NEXMIF: variants seen among roughly 807,000 people sequenced by gnomAD.
NEXMIF encodes XLMR protein related to neurite extension.
A neutral mutation model predicts 62.1 loss-of-function variants in NEXMIF; 8 were observed. The observed-to-expected ratio is 0.13, with a 90% confidence interval of 0.08 to 0.23. The LOEUF (loss-of-function observed/expected upper bound fraction) is 0.23, where lower values mean the gene tolerates loss of function less well. NEXMIF is among the 10% of genes least tolerant of loss of function. The pLI, the probability that NEXMIF is intolerant of heterozygous loss-of-function variation, is 1.00. For synonymous variants in NEXMIF, 404 were observed against 416.6 expected (o/e 0.97, Z 0.37); for missense variants, 976 against 1,113.3 (o/e 0.88, Z 1.75).
intron 1 of NEXMIF, among the ~76,000 whole-genome samples, chrX:74,817,740 C>A (rs1358612076): frequency 9.0e-6 from 1 of 111,592 alleles, no homozygotes; most frequent in Non-Finnish European, 1.9e-5. Context: ...CTGGGATAAA[C>A]AATTCTAGCA....
intron 1 of NEXMIF, among the ~76,000 whole-genome samples, chrX:74,852,389 C>T (rs1361210769): frequency 9.0e-6 from 1 of 111,564 alleles, no homozygotes; most frequent in Non-Finnish European, 1.9e-5. Flanking sequence ...CAACACTCCG[C>T]TCACAGCATA....
chrX:74,762,490 C>T (rs144572667), intron 1 of NEXMIF, among the ~76,000 whole-genome samples: 4 of 111,319 alleles, frequency 3.6e-5, no homozygotes, highest in Non-Finnish European at 5.7e-5. Flanking sequence ...GTTATGGGAT[C>T]GCTGGGTCAA....
chrX:74,870,333 A>G (rs1297690865), intron 1 of NEXMIF, among the ~76,000 whole-genome samples: 1 of 111,611 alleles, frequency 9.0e-6, no homozygotes, highest in African/African-American at 3.3e-5. Flanking sequence ...AAAATAGATT[A>G]AAGACTGAAA....
Position 74,859,156 on chromosome X carries a change from C to T in NEXMIF, c.-48+65727G>A, listed in dbSNP as rs762573095. Among the ~76,000 whole-genome samples, 34 of 110,798 alleles carry T rather than the reference C, an allele frequency of 3.1e-4. No individual in the cohort carries two copies. In the South Asian group the frequency reaches 0.013, roughly 41 times the overall value. On this transcript the variant is annotated intron_variant, in intron 1 of 3. Coordinates refer to ENST00000055682, the MANE Select transcript of NEXMIF (RefSeq NM_001008537.3). ...AGAGAAAGATATCACCATCCAAGTA[C>T]GAGAAGGTTATAGAACACCCAACAG... is the stretch of plus-strand genomic sequence containing the variant.
intron 1 of NEXMIF, among the ~76,000 whole-genome samples, chrX:74,799,023 G>C (rs2080321109): frequency 9.1e-6 from 1 of 110,475 alleles, no homozygotes; most frequent in Non-Finnish European, 1.9e-5. Flanking sequence ...TCTCAAATTG[G>C]TACTGCTTTA....
chrX:74,803,571 A>AAAATAAATAAAT (rs750643080), intron 1 of NEXMIF, among the ~76,000 whole-genome samples: 1 of 108,773 alleles, frequency 9.2e-6, no homozygotes, highest in Non-Finnish European at 1.9e-5. Flanking sequence ...CTGTCTCAAA[A>AAAATAAATAAAT]AAATAAATAA....
chrX:74,763,788 A>G (rs1442069999), intron 1 of NEXMIF, among the ~76,000 whole-genome samples: 1 of 111,649 alleles, frequency 9.0e-6, no homozygotes, highest in East Asian at 2.8e-4. Flanking sequence ...TTGGTGTATA[A>G]GAATGCTTAT....
At chrX:74,872,843 T>A (rs886317190) in intron 1 of NEXMIF, among the ~76,000 whole-genome samples, 10 of 110,341 alleles carry the variant, frequency 9.1e-5, no homozygotes, top group African/African-American at 1.3e-4. Flanking sequence ...AACAATTTTT[T>A]AAAAATATTA....
chrX:74,782,329 C>A (rs1041185959), intron 1 of NEXMIF, among the ~76,000 whole-genome samples: 4 of 111,658 alleles, frequency 3.6e-5, no homozygotes, highest in Middle Eastern at 9.3e-3. Flanking sequence ...GGAAATTTGG[C>A]AACTAACATT....
chrX:74,794,930 C>G (rs1281662747), intron 1 of NEXMIF, among the ~76,000 whole-genome samples: 1 of 111,870 alleles, frequency 8.9e-6, no homozygotes, highest in African/African-American at 3.2e-5. Flanking sequence ...CAGAAATCAC[C>G]GTCTTCTGTG....
intron 1 of NEXMIF, among the ~76,000 whole-genome samples, chrX:74,756,197 G>A (rs971193393): frequency 4.5e-5 from 5 of 111,944 alleles, no homozygotes; most frequent in South Asian, 7.5e-4. Context: ...TCCTGATCTC[G>A]TGATCCGCCC....
intron 1 of NEXMIF, among the ~76,000 whole-genome samples, chrX:74,776,458 G>A (rs986376777): frequency 4.5e-5 from 5 of 111,309 alleles, no homozygotes; most frequent in African/African-American, 1.6e-4. Context: ...GGGCGCGGTG[G>A]CTCACGCCTG....
At chrX:74,801,233 AC>A (rs1488199314) in intron 1 of NEXMIF, among the ~76,000 whole-genome samples, 1 of 112,097 alleles carries the variant, frequency 8.9e-6, no homozygotes, top group Non-Finnish European at 1.9e-5. Context: ...AGAAGACATC[AC>A]GGTTGCTTAG....
intron 1 of NEXMIF, among the ~76,000 whole-genome samples, chrX:74,787,577 G>A (rs1157540832): frequency 8.9e-6 from 1 of 111,873 alleles, no homozygotes; most frequent in African/African-American, 3.3e-5. Flanking sequence ...ATGCCTTCAA[G>A]CCTTACTTCT....
At position 74,893,940 on chromosome X, in the gene NEXMIF, A is replaced by G. The variant is rs762945660; in HGVS notation, c.-48+30943T>C. Among the ~76,000 whole-genome samples the G allele has an allele frequency of 5.4e-5, 6 of 111,403 alleles. No homozygotes were observed. The East Asian group carries it at 1.4e-3, about 26-fold the overall frequency. On this transcript the variant is annotated intron_variant, in intron 1 of 3. Transcript: ENST00000055682. ...GAGAATTAAAAAGTTCCAGTTTCCAAAACAGTTGACTTTTTGAAAAATTAA... is the reference window on the plus strand; with the variant it reads ...GAGAATTAAAAAGTTCCAGTTTCCAGAACAGTTGACTTTTTGAAAAATTAA...
At chrX:74,877,183 C>T (rs1455630432) in intron 1 of NEXMIF, among the ~76,000 whole-genome samples, 1 of 111,059 alleles carries the variant, frequency 9.0e-6, no homozygotes, top group Non-Finnish European at 1.9e-5. Context: ...TTAGGGCAGG[C>T]CTGGTGGTGA....
rs1217493097 is a variant in NEXMIF, at chrX:74,925,093, C to T, written c.-258G>A. 1 of 117,049 alleles carries T rather than the reference C, an allele frequency of 8.5e-6. No homozygotes were observed. Among genetic ancestry groups the T allele is most frequent in the East Asian group, 2.8e-4 (1 of 3,623 alleles). The allele number at this position is 117,049 out of a possible 1,213,427, so 9.6% of individuals were successfully genotyped here. On this transcript the variant is annotated 5_prime_UTR_variant, in exon 1 of 4. Coordinates refer to ENST00000055682, the MANE Select transcript of NEXMIF (RefSeq NM_001008537.3). ...GCCCGCCAGGTGGACGCGCCTCTCTCCTCGCTCGCTCCCTCAGGCTCCGCC... is the reference window on the plus strand; with the variant it reads ...GCCCGCCAGGTGGACGCGCCTCTCTTCTCGCTCGCTCCCTCAGGCTCCGCC...
rs770401349 is a variant in NEXMIF at position 74,740,966 on chromosome X, C to T, written c.3591G>A (p.Arg1197=). ...TGTTGTTACCTTTGAGGGATTTTTT[C>T]CTGGTGTTTTTCTGAGAAGAGCTTT... ...MNQSSSQKNT[R]KKSLKGNNKG... The change falls in exon 3 of 4, where the codon AGG becomes AGA. Residue 1197 remains arginine (R), a synonymous_variant. Transcript: ENST00000055682. 14 of 1,209,889 alleles carry T rather than the reference C, an allele frequency of 1.2e-5. No homozygotes were observed. In the East Asian group the frequency reaches 3.0e-4, roughly 26 times the overall value.
intron 1 of NEXMIF, among the ~76,000 whole-genome samples, chrX:74,780,223 T>A (rs748604269): frequency 9.0e-6 from 1 of 111,683 alleles, no homozygotes; most frequent in Admixed American, 9.6e-5. Context: ...TTAATCAGTG[T>A]TCAGATGAAC....
Sources: gnomAD v4.1 joint callset for allele counts (sites outside exome capture counted in the v4.1 genomes callset) on GRCh38, gnomAD v4.1.1 for gene constraint, MANE v1.5 for transcripts, NCBI Gene and HGNC (gene_info 2026-07-23, HGNC 2026-07-21) for gene names.